NTPCR: variants seen among roughly 807,000 people sequenced by gnomAD.
NTPCR encodes the protein nucleoside-triphosphatase, cancer-related, also known as cancer-related nucleoside-triphosphatase.
In NTPCR, 15 loss-of-function variants were observed where a neutral mutation model predicts 19.5. The ratio of observed to expected loss-of-function variants is 0.77; its 90% confidence interval spans 0.51 to 1.18. NTPCR has a LOEUF of 1.18. Among genes scored for constraint, NTPCR ranks in the 50% most tolerant of loss-of-function variants. NTPCR has a pLI of 0.00. For synonymous variants in NTPCR, 90 were observed against 95.8 expected (o/e 0.94, Z 0.36); for missense variants, 206 against 240.4 (o/e 0.86, Z 0.95).
At chr1:232,954,470 T>C (rs1668458937) in intron 1 of NTPCR, among the ~76,000 whole-genome samples, 1 of 152,246 alleles carries the variant, frequency 6.6e-6, no homozygotes, top group East Asian at 1.9e-4. Flanking sequence ...GAGTTTTCTC[T>C]CTCTTTCCAT....
rs1341958084 is a variant in NTPCR, at chr1:232,950,677, C to A, written c.-34C>A. ...AATTGCGACCCCAACCTGGACTGCT[C>A]CCCTGACCGCAACCCCTACCCCCGC... On this transcript the variant is annotated 5_prime_UTR_variant, in exon 1 of 5. Transcript: ENST00000366628. The A allele has an allele frequency of 1.3e-6, 2 of 1,592,542 alleles. No individual in the cohort carries two copies. Among genetic ancestry groups the A allele is most frequent in the Non-Finnish European group, 1.7e-6 (2 of 1,161,698 alleles).
chr1:232,970,151 A>ATT, intron 4 of NTPCR, 33 bp downstream of exon 4: 1 of 1,526,378 alleles, frequency 6.6e-7, no homozygotes, highest in Non-Finnish European at 9.1e-7. Flanking sequence ...AATCAGTGGA[A>ATT]ATGGAGCAGA....
chr1:232,959,141 C>G (rs1668598194), intron 3 of NTPCR, among the ~76,000 whole-genome samples: 1 of 152,092 alleles, frequency 6.6e-6, no homozygotes, highest in Non-Finnish European at 1.5e-5. Flanking sequence ...TTGTAATCCC[C>G]ATGTGTGGAG....
rs1017315480 is a variant in NTPCR, at chr1:232,982,917, G to C, written c.*4686G>C. The C allele has an allele frequency of 2.0e-5, 3 of 152,194 alleles. No individual in the cohort carries two copies. Among genetic ancestry groups the C allele is most frequent in the African/African-American group, 4.8e-5 (2 of 41,448 alleles). 9.4% of individuals were successfully genotyped at this position (152,194 alleles called of 1,614,324 possible). On this transcript the variant is annotated 3_prime_UTR_variant, in exon 5 of 5. Coordinates refer to ENST00000366628, the MANE Select transcript of NTPCR (RefSeq NM_032324.3). ...TTTAATTTGGCCACCTTAGAGAACTGCAGCAAGGCCCTATCAGCTTCCCAT... is the reference window on the plus strand; with the variant it reads ...TTTAATTTGGCCACCTTAGAGAACTCCAGCAAGGCCCTATCAGCTTCCCAT...
intron 1 of NTPCR, among the ~76,000 whole-genome samples, chr1:232,953,980 T>TG (rs1668445343): frequency 6.6e-6 from 1 of 152,256 alleles, no homozygotes; most frequent in African/African-American, 2.4e-5. Context: ...TAAAGAATGT[T>TG]GCAGTGAATG....
intron 3 of NTPCR, chr1:232,967,134 A>AG (rs1668843250): frequency 6.6e-6 from 1 of 152,186 alleles, no homozygotes; most frequent in Non-Finnish European, 1.5e-5. Flanking sequence ...AACAATGTAA[A>AG]GGGGGTGAAT....
intron 3 of NTPCR, 139 bp downstream of exon 3, chr1:232,956,582 A>G: frequency 1.6e-6 from 1 of 627,322 alleles, no homozygotes; most frequent in South Asian, 1.9e-5. Flanking sequence ...AGTCTTAATA[A>G]GGATAAACAA....
rs1175026538 is a variant in NTPCR at position 232,980,127 on chromosome 1, G to T, written c.*1896G>T. The T allele has an allele frequency of 6.6e-6, 1 of 152,256 alleles. No individual in the cohort carries two copies. Among genetic ancestry groups the T allele is most frequent in the Non-Finnish European group, 1.5e-5 (1 of 68,058 alleles). 9.4% of individuals were successfully genotyped at this position (152,256 alleles called of 1,614,324 possible). On this transcript the variant is annotated 3_prime_UTR_variant, in exon 5 of 5. Coordinates refer to ENST00000366628, the MANE Select transcript of NTPCR (RefSeq NM_032324.3). Reference sequence around the variant, plus strand: ...TAAATGAGAAAGAAAGCTGGTGAAGGTTATTTCAAAGTTAAATAGCTAGTC... The same window carrying T: ...TAAATGAGAAAGAAAGCTGGTGAAGTTTATTTCAAAGTTAAATAGCTAGTC...
intron 4 of NTPCR, among the ~76,000 whole-genome samples, chr1:232,977,890 C>T (rs554284433): frequency 2.1e-4 from 32 of 152,306 alleles, no homozygotes; most frequent in South Asian, 6.2e-4. Context: ...GTCGGACTCA[C>T]TTCACAGCTC....
intron 3 of NTPCR, among the ~76,000 whole-genome samples, chr1:232,956,787 A>G (rs1402707173): frequency 6.6e-6 from 1 of 152,212 alleles, no homozygotes; most frequent in African/African-American, 2.4e-5. Flanking sequence ...ATGTCATTAT[A>G]TGAACATAAT....
At chr1:232,963,893 G>A (rs1668739003) in intron 3 of NTPCR, 1 of 150,980 alleles carries the variant, frequency 6.6e-6, no homozygotes, top group African/African-American at 2.4e-5. Flanking sequence ...AAATATATAA[G>A]CTGGAAGGGG....
chr1:232,970,101 G>A lies in NTPCR; in HGVS notation c.487G>A (p.Asp163Asn). The change falls in exon 4 of 5, where the codon GAT becomes AAT. Residue 163 changes from aspartate (D) to asparagine (N), a missense_variant. Transcript: ENST00000366628. ...ALVEEIRNRK[D>N]VKVFNVTKEN... Reference sequence around the variant, plus strand: ...TGTAGAAGAAATCAGAAACAGAAAGGATGTGAAGGTGTTTAATGTGAGTAC... The same window carrying A: ...TGTAGAAGAAATCAGAAACAGAAAGAATGTGAAGGTGTTTAATGTGAGTAC... 6.2e-7 allele frequency: 1 copy of A among 1,613,624 alleles called. No individual in the cohort carries two copies. Among genetic ancestry groups the A allele is most frequent in the Non-Finnish European group, 8.5e-7 (1 of 1,179,838 alleles).
At chr1:232,965,728 C>T (rs1331436600) in intron 3 of NTPCR, 2 of 152,418 alleles carry the variant, frequency 1.3e-5, no homozygotes, top group Middle Eastern at 6.8e-3. Flanking sequence ...GGCTCTCCGT[C>T]TCACTGGACT....
rs562303399 is a variant in NTPCR, at chr1:232,982,278, A to G, written c.*4047A>G. The G allele has an allele frequency of 6.6e-6, 1 of 152,342 alleles. No individual in the cohort carries two copies. The highest frequency in any genetic ancestry group is 2.4e-5 in the African/African-American group (1 of 41,578). 9.4% of individuals were successfully genotyped at this position (152,342 alleles called of 1,614,324 possible). On this transcript the variant is annotated 3_prime_UTR_variant, in exon 5 of 5. Coordinates refer to ENST00000366628, the MANE Select transcript of NTPCR (RefSeq NM_032324.3). ...TGGCTGCACTGTTGATGGCTGGTCA[A>G]ACAGCCCCCAAGAATCCTGGGGTGA...
chr1:232,955,762 C>A, intron 2 of NTPCR, 43 bp downstream of exon 2: 1 of 1,581,562 alleles, frequency 6.3e-7, no homozygotes, highest in Non-Finnish European at 8.7e-7. Flanking sequence ...ATCTAAGCTC[C>A]CCTTCCATCT....
In NTPCR at chr1:232,983,279, A is replaced by G. The variant is rs987328215; in HGVS notation, c.*5048A>G. 1 of 152,150 alleles carries G rather than the reference A, an allele frequency of 6.6e-6. No homozygotes were observed. Among genetic ancestry groups the G allele is most frequent in the Admixed American group, 6.5e-5 (1 of 15,284 alleles). 9.4% of individuals were successfully genotyped at this position (152,150 alleles called of 1,614,324 possible). A position where few individuals can be genotyped will look rare whatever the true frequency, so the allele number is the denominator to read the frequency against. The stretch of plus-strand genomic sequence containing the variant: ...AGGCCAGTGATACTCTATGGACTGC[A>G]TTTTGGGACCTCTACCCCAGCAAGG... On this transcript the variant is annotated 3_prime_UTR_variant, in exon 5 of 5. Transcript: ENST00000366628.
chr1:232,955,694 A>C lies in NTPCR; in HGVS notation c.172A>C (p.Thr58Pro), dbSNP rs1668492968. The C allele has an allele frequency of 6.2e-7, 1 of 1,613,856 alleles. No homozygotes were observed. The highest frequency in any genetic ancestry group is 8.5e-7 in the Non-Finnish European group (1 of 1,179,870). ...ATTCGATGTCGTCACGTTGTCCGGC[A>C]CCCGGGGGCCTTTATCGAGAGTTGG... ...IGFDVVTLSGTRGPLSRVGLE... is the reference protein window; with the variant it reads ...IGFDVVTLSGPRGPLSRVGLE... The change falls in exon 2 of 5, where the codon ACC becomes CCC. Residue 58 changes from threonine to proline, a missense_variant. Transcript: ENST00000366628.
At chr1:232,955,235 G>A (rs979530323) in intron 1 of NTPCR, among the ~76,000 whole-genome samples, 2 of 152,166 alleles carry the variant, frequency 1.3e-5, no homozygotes, top group African/African-American at 4.8e-5. Context: ...GATGCAAATG[G>A]CATGGGAGAA....
At chr1:232,971,926 A>G (rs542415492) in intron 4 of NTPCR, among the ~76,000 whole-genome samples, 1 of 152,322 alleles carries the variant, frequency 6.6e-6, no homozygotes, top group Non-Finnish European at 1.5e-5. Flanking sequence ...GAATAGTGAA[A>G]GATCATGAAA....
Sources: gnomAD v4.1 joint callset for allele counts (sites outside exome capture counted in the v4.1 genomes callset) on GRCh38, gnomAD v4.1.1 for gene constraint, MANE v1.5 for transcripts, NCBI Gene and HGNC (gene_info 2026-07-23, HGNC 2026-07-21) for gene names.